CDH18: variants seen among roughly 807,000 people sequenced by gnomAD.
CDH18 encodes the protein cadherin 18.
A neutral mutation model predicts 67.9 loss-of-function variants in CDH18; 31 were observed. The observed-to-expected ratio is 0.46, with a 90% CI of 0.34 to 0.62. The LOEUF (loss-of-function observed/expected upper bound fraction) is 0.62. Among genes scored for constraint, CDH18 ranks in the 20% least tolerant of loss-of-function variants. The probability of loss-of-function intolerance (pLI) is 0.01; values close to 1 mark genes in which losing one functional copy is unlikely to be tolerated. For missense variants in CDH18, 890 were observed against 975.5 expected (o/e 0.91, Z 1.17); for synonymous variants, 362 against 347.2 (o/e 1.04, Z -0.48).
chr5:19,714,802 T>A (rs996173812), intron 5 of CDH18, among the ~76,000 whole-genome samples: 2 of 152,026 alleles, frequency 1.3e-5, no homozygotes, highest in African/African-American at 4.8e-5. Context: ...TCATTATACT[T>A]TATTTTGCTT....
intron 2 of CDH18, among the ~76,000 whole-genome samples, chr5:20,180,778 T>C (rs1179393244): frequency 1.3e-5 from 2 of 151,976 alleles, no homozygotes; most frequent in African/African-American, 4.8e-5. Context: ...TGTCTATTAT[T>C]TCTCAACCTG....
At chr5:19,918,076 C>G (rs1167883852) in intron 2 of CDH18, among the ~76,000 whole-genome samples, 1 of 152,058 alleles carries the variant, frequency 6.6e-6, no homozygotes, top group Non-Finnish European at 1.5e-5. Flanking sequence ...AAAAATATGT[C>G]TCTTAATGTT....
At chr5:20,507,051 C>T (rs1481607499) in intron 1 of CDH18, among the ~76,000 whole-genome samples, 1 of 152,184 alleles carries the variant, frequency 6.6e-6, no homozygotes, top group African/African-American at 2.4e-5. Flanking sequence ...TTAGGAAAGA[C>T]TGAGCCATCC....
At chr5:20,053,134 A>G (rs1309910293) in intron 2 of CDH18, among the ~76,000 whole-genome samples, 5 of 151,988 alleles carry the variant, frequency 3.3e-5, no homozygotes. Context: ...TTTAAGACCC[A>G]CTTAGATATT....
intron 8 of CDH18, among the ~76,000 whole-genome samples, chr5:19,563,672 T>C (rs1339066184): frequency 1.3e-5 from 2 of 152,216 alleles, no homozygotes; most frequent in Non-Finnish European, 2.9e-5. Context: ...TGGAGCAAGA[T>C]AGCAGTATAG....
chr5:20,454,520 T>G (rs780184065), intron 1 of CDH18, among the ~76,000 whole-genome samples: 1 of 152,112 alleles, frequency 6.6e-6, no homozygotes, highest in African/African-American at 2.4e-5. Context: ...AGGTATATAA[T>G]GCTTTATTCC....
intron 1 of CDH18, among the ~76,000 whole-genome samples, chr5:20,501,578 A>G (rs1754307263): frequency 8.0e-5 from 1 of 12,434 alleles, no homozygotes; most frequent in Non-Finnish European, 1.8e-4. Flanking sequence ...TAATATATAT[A>G]TATTATATAT....
chr5:20,554,955 T>C (rs1027808928), intron 1 of CDH18, among the ~76,000 whole-genome samples: 1 of 152,202 alleles, frequency 6.6e-6, no homozygotes, highest in African/African-American at 2.4e-5. Context: ...GCTCCAGCCA[T>C]CATTTGATCC....
Position 20,271,924 on chromosome 5 carries a change from C to CAGAGAGAGAGAGAGAGAG in CDH18, c.-579-16437_-579-16420dup, listed in dbSNP as rs201955881. On this transcript the variant is annotated intron_variant, in intron 1 of 14. Coordinates refer to the CDH18 transcript ENST00000507958. The stretch of plus-strand genomic sequence containing the variant: ...ACATCTGCCACTTGCTGTAGAGAGG[C>CAGAGAGAGAGAGAGAGAG]AGAGAGAGAGAGAGAGAGAGAGAGA... Among the ~76,000 whole-genome samples the CAGAGAGAGAGAGAGAGAG allele has an allele frequency of 8.9e-4, 131 of 146,638 alleles. No homozygotes were observed. The East Asian group carries it at 0.012, about 13-fold the overall frequency.
intron 7 of CDH18, among the ~76,000 whole-genome samples, chr5:19,574,734 C>A (rs1307339156): frequency 1.3e-5 from 2 of 148,392 alleles, no homozygotes; most frequent in African/African-American, 5.2e-5. Flanking sequence ...GTCTTCCACG[C>A]TTTCTTAGTT....
chr5:20,527,646 T>C (rs1161646493), intron 1 of CDH18, among the ~76,000 whole-genome samples: 20 of 152,098 alleles, frequency 1.3e-4, no homozygotes, highest in Admixed American at 1.3e-3. Context: ...AAGAATTTCA[T>C]ATCCAGCCAA....
intron 2 of CDH18, among the ~76,000 whole-genome samples, chr5:20,228,533 T>C (rs1026123736): frequency 6.6e-6 from 1 of 151,848 alleles, no homozygotes; most frequent in Non-Finnish European, 1.5e-5. Flanking sequence ...TGTTATTAAG[T>C]GTAGTAATCA....
chr5:19,753,376 G>C (rs1581197655), intron 3 of CDH18, among the ~76,000 whole-genome samples: 1 of 152,254 alleles, frequency 6.6e-6, no homozygotes, highest in South Asian at 2.1e-4. Flanking sequence ...GACACAGATA[G>C]AAATGCAAAA....
intron 2 of CDH18, among the ~76,000 whole-genome samples, chr5:19,960,692 CGT>C (rs1796768820): frequency 7.9e-6 from 1 of 126,424 alleles, no homozygotes; most frequent in Non-Finnish European, 1.5e-5. Flanking sequence ...TACATATACA[CGT>C]GTATATATGT....
chr5:20,140,399 C>A (rs1281158905), intron 2 of CDH18, among the ~76,000 whole-genome samples: 1 of 151,940 alleles, frequency 6.6e-6, no homozygotes, highest in Admixed American at 6.6e-5. Context: ...CACACCAACA[C>A]AACACATGTA....
intron 9 of CDH18, among the ~76,000 whole-genome samples, chr5:19,538,015 T>C (rs1749683736): frequency 6.6e-6 from 1 of 152,092 alleles, no homozygotes; most frequent in Non-Finnish European, 1.5e-5. Context: ...AGGTAAAAAG[T>C]ATTGATAGGT....
chr5:19,580,990 T>C (rs1175923233), intron 7 of CDH18, among the ~76,000 whole-genome samples: 2 of 152,016 alleles, frequency 1.3e-5, no homozygotes, highest in East Asian at 3.8e-4. Flanking sequence ...ATACATTCAC[T>C]AAGCTTAACT....
chr5:20,477,033 G>A (rs919957454), intron 1 of CDH18, among the ~76,000 whole-genome samples: 2 of 152,148 alleles, frequency 1.3e-5, no homozygotes, highest in African/African-American at 4.8e-5. Context: ...TTTTAGGGAT[G>A]CTATAGGTAT....
At chr5:19,530,106 T>C (rs1748356968) in intron 9 of CDH18, among the ~76,000 whole-genome samples, 1 of 152,106 alleles carries the variant, frequency 6.6e-6, no homozygotes. Flanking sequence ...GTGGTACCAA[T>C]GAGAGCCCAG....
Sources: allele counts gnomAD v4.1 joint callset (sites outside exome capture counted in the v4.1 genomes callset), GRCh38; gene constraint gnomAD v4.1.1; transcripts MANE v1.5; gene names NCBI Gene and HGNC (gene_info 2026-07-23, HGNC 2026-07-21).